WHRN: variants seen among roughly 807,000 people sequenced by gnomAD.
WHRN encodes the protein CASK-interacting protein CIP98.
Under a neutral mutation model 68.3 loss-of-function variants are expected in WHRN, and 41 were observed. The observed-to-expected ratio is 0.60, with a 90% CI of 0.47 to 0.78. The LOEUF (loss-of-function observed/expected upper bound fraction) is 0.78, where lower values mean the gene tolerates loss of function less well. Ranked by LOEUF, WHRN falls within the 30% of genes least tolerant of loss-of-function variation. The pLI is 0.00. For synonymous variants in WHRN, 560 were observed against 561.3 expected, an observed-to-expected ratio of 1.00 and a Z score of 0.03; for missense variants, 1,243 against 1,244.7, an observed-to-expected ratio of 1.00 and a Z score of 0.02.
chr9:114,469,957 C>T (rs1841063191), intron 2 of WHRN, among the ~76,000 whole-genome samples: 1 of 152,206 alleles, frequency 6.6e-6, no homozygotes, highest in African/African-American at 2.4e-5. Context: ...CAATCAGTTG[C>T]TCTCTGCTTT....
At chr9:114,498,659 C>T (rs1843667355) in intron 1 of WHRN, among the ~76,000 whole-genome samples, 1 of 152,146 alleles carries the variant, frequency 6.6e-6, no homozygotes. Context: ...TTAAAAGGCC[C>T]TCAAATGTCA....
At chr9:114,493,452 C>A (rs566732998) in intron 1 of WHRN, among the ~76,000 whole-genome samples, 123 of 151,950 alleles carry the variant, frequency 8.1e-4, no homozygotes, top group Admixed American at 2.0e-3. Context: ...TTTCCTATGA[C>A]CAAACAAAAT....
intron 1 of WHRN, among the ~76,000 whole-genome samples, chr9:114,491,265 C>T (rs1168677647): frequency 1.3e-5 from 2 of 152,160 alleles, no homozygotes; most frequent in South Asian, 2.1e-4. Flanking sequence ...AGGTGATGGG[C>T]TTCCAATTTA....
intron 3 of WHRN, among the ~76,000 whole-genome samples, chr9:114,436,280 C>A (rs138171394): frequency 6.6e-6 from 1 of 152,294 alleles, no homozygotes; most frequent in East Asian, 1.9e-4. Context: ...TTCTGTATTA[C>A]ACTATAATGT....
At chr9:114,494,794 AC>A (rs1330454164) in intron 1 of WHRN, among the ~76,000 whole-genome samples, 1 of 152,226 alleles carries the variant, frequency 6.6e-6, no homozygotes, top group Non-Finnish European at 1.5e-5. Flanking sequence ...TTATACACGT[AC>A]ACTGAAAACA....
At chr9:114,470,010 G>T (rs563387348) in intron 2 of WHRN, among the ~76,000 whole-genome samples, 16 of 152,132 alleles carry the variant, frequency 1.1e-4, no homozygotes, top group Non-Finnish European at 2.2e-4. Context: ...ATTACATCTT[G>T]CAAGGACCCC....
intron 7 of WHRN, 31 bp downstream of exon 7, chr9:114,423,283 C>A (rs770961424): frequency 3.7e-6 from 6 of 1,610,130 alleles, no homozygotes. Flanking sequence ...GCCCTGGCTA[C>A]TAAGCCAGGG....
At chr9:114,496,787 G>C (rs1843498846) in intron 1 of WHRN, among the ~76,000 whole-genome samples, 1 of 152,228 alleles carries the variant, frequency 6.6e-6, no homozygotes, top group Admixed American at 6.5e-5. Flanking sequence ...TACACTGTCA[G>C]ATGAACCCAG....
intron 2 of WHRN, among the ~76,000 whole-genome samples, chr9:114,474,981 C>T (rs1841532186): frequency 6.6e-6 from 1 of 152,148 alleles, no homozygotes; most frequent in Non-Finnish European, 1.5e-5. Context: ...AGGACAGCTA[C>T]TCTCAAAACA....
At chr9:114,405,671 A>G (rs1834974966) in intron 9 of WHRN, among the ~76,000 whole-genome samples, 1 of 152,204 alleles carries the variant, frequency 6.6e-6, no homozygotes, top group African/African-American at 2.4e-5. Context: ...TGCGAGCGCC[A>G]GAGCCCTGCA....
intron 3 of WHRN, among the ~76,000 whole-genome samples, chr9:114,436,785 C>T (rs1377049362): frequency 3.3e-5 from 5 of 151,858 alleles, no homozygotes; most frequent in African/African-American, 7.3e-5. Context: ...GCCGAGATTG[C>T]GCCACTGCAC....
chr9:114,408,348 A>C (rs1003769838), intron 7 of WHRN, among the ~76,000 whole-genome samples: 5 of 152,224 alleles, frequency 3.3e-5, no homozygotes, highest in Non-Finnish European at 5.9e-5. Flanking sequence ...CATGCCTCCA[A>C]AAGCCAAGGC....
chr9:114,407,294 A>G (rs1835106419), intron 8 of WHRN, among the ~76,000 whole-genome samples: 1 of 152,182 alleles, frequency 6.6e-6, no homozygotes, highest in Non-Finnish European at 1.5e-5. Flanking sequence ...GACTGGAGAG[A>G]GAATGGACAG....
chr9:114,452,845 G>A (rs889945222), intron 3 of WHRN, among the ~76,000 whole-genome samples: 20 of 152,208 alleles, frequency 1.3e-4, no homozygotes, highest in African/African-American at 4.8e-4. Flanking sequence ...TGGGGATGCT[G>A]AGGGCCAGAA....
At chr9:114,464,689 G>C (rs1428023115) in intron 3 of WHRN, among the ~76,000 whole-genome samples, 1 of 152,104 alleles carries the variant, frequency 6.6e-6, no homozygotes, top group Non-Finnish European at 1.5e-5. Flanking sequence ...ATAACCCTGA[G>C]AAAGGAATGT....
At chr9:114,481,728 A>G (rs189398811) in intron 1 of WHRN, among the ~76,000 whole-genome samples, 1 of 152,324 alleles carries the variant, frequency 6.6e-6, no homozygotes, top group Admixed American at 6.5e-5. Context: ...CATTCATTCA[A>G]CAAGGGCTGA....
intron 7 of WHRN, among the ~76,000 whole-genome samples, chr9:114,422,795 C>A (rs1231670593): frequency 2.0e-5 from 3 of 152,086 alleles, no homozygotes; most frequent in Admixed American, 1.3e-4. Flanking sequence ...AGATTGCACC[C>A]CTGCACTCCA....
chr9:114,441,913 G>C (rs1272534972), intron 3 of WHRN, among the ~76,000 whole-genome samples: 4 of 152,104 alleles, frequency 2.6e-5, no homozygotes, highest in Non-Finnish European at 5.9e-5. Context: ...ACAGAAACCT[G>C]GCAGACATTA....
At chr9:114,407,814 G>A (rs868668930) in intron 8 of WHRN, 133 bp downstream of exon 8, 32 of 743,668 alleles carry the variant, frequency 4.3e-5, no homozygotes, top group South Asian at 9.0e-5. Context: ...CTGGGTGTGA[G>A]AGCTCATGGC....
Sources: allele counts gnomAD v4.1 joint callset (sites outside exome capture counted in the v4.1 genomes callset), GRCh38; gene constraint gnomAD v4.1.1; transcripts MANE v1.5; gene names NCBI Gene and HGNC (gene_info 2026-07-23, HGNC 2026-07-21).